The following SAMD5 variants were observed in gnomAD, a reference collection of about 807,000 sequenced individuals.
SAMD5 encodes sterile alpha motif domain-containing protein 5.
Under a neutral mutation model 11.3 loss-of-function variants are expected in SAMD5, and 13 were observed. The observed-to-expected ratio is 1.15, with a 90% CI of 0.75 to 1.83. SAMD5 has a LOEUF of 1.83. Among genes scored for constraint, SAMD5 ranks in the 40% most tolerant of loss-of-function variants. The probability of loss-of-function intolerance (pLI) is 0.00; values close to 1 mark genes in which losing one functional copy is unlikely to be tolerated. For synonymous variants in SAMD5, 129 were observed against 111.3 expected, an observed-to-expected ratio of 1.16 and a Z score of -1.00; for missense variants, 255 against 239.1, an observed-to-expected ratio of 1.07 and a Z score of -0.44.
At chr6:147,525,381 T>C (rs1332713766) in intron 1 of SAMD5, among the ~76,000 whole-genome samples, 1 of 148,750 alleles carries the variant, frequency 6.7e-6, no homozygotes, top group African/African-American at 2.5e-5. Context: ...AAGTGTGTCA[T>C]CAATTTGGCC....
the SAMD5 span, among the ~76,000 whole-genome samples, chr6:147,925,406 T>C: frequency 6.6e-6 from 1 of 152,208 alleles, no homozygotes; most frequent in Non-Finnish European, 1.5e-5. Context: ...TATGGCATTC[T>C]GTTACAGCAG....
the SAMD5 span, among the ~76,000 whole-genome samples, chr6:147,900,398 A>G: frequency 6.6e-6 from 1 of 152,186 alleles, no homozygotes; most frequent in Non-Finnish European, 1.5e-5. Context: ...CAGTTCTCCT[A>G]TTTTGTCTTT....
intron 1 of SAMD5, among the ~76,000 whole-genome samples, chr6:147,683,309 T>C (rs1156309274): frequency 6.6e-6 from 1 of 152,254 alleles, no homozygotes; most frequent in Non-Finnish European, 1.5e-5. Flanking sequence ...AGACCCTGTA[T>C]TTCCTAAGAG....
At chr6:147,939,564 T>C in the SAMD5 span, among the ~76,000 whole-genome samples, 2 of 152,080 alleles carry the variant, frequency 1.3e-5, no homozygotes, top group Non-Finnish European at 2.9e-5. Flanking sequence ...AAAGACAAAA[T>C]ATGTATTTAT....
chr6:147,516,286 T>G (rs1236116131), intron 1 of SAMD5, among the ~76,000 whole-genome samples: 2 of 152,192 alleles, frequency 1.3e-5, no homozygotes, highest in African/African-American at 4.8e-5. Flanking sequence ...ATATGGCTTC[T>G]GGGAGCTATG....
At chr6:147,949,336 G>A in the SAMD5 span, among the ~76,000 whole-genome samples, 1 of 152,150 alleles carries the variant, frequency 6.6e-6, no homozygotes, top group Non-Finnish European at 1.5e-5. Flanking sequence ...TCAGACCGCA[G>A]TAATATAAAT....
intron 1 of SAMD5, among the ~76,000 whole-genome samples, chr6:147,642,674 A>G (rs373097752): frequency 3.9e-5 from 6 of 152,342 alleles, no homozygotes; most frequent in African/African-American, 1.4e-4. Context: ...TTATTGAAAC[A>G]TCAATAGGAA....
intron 1 of SAMD5, among the ~76,000 whole-genome samples, chr6:147,587,010 T>C (rs1443199120): frequency 6.6e-6 from 1 of 152,188 alleles, no homozygotes; most frequent in Non-Finnish European, 1.5e-5. Flanking sequence ...CAGAGTTGAT[T>C]GTACAGTGAA....
chr6:147,943,259 C>T, the SAMD5 span, among the ~76,000 whole-genome samples: 1 of 152,170 alleles, frequency 6.6e-6, no homozygotes, highest in African/African-American at 2.4e-5. Flanking sequence ...TCTTTGAATG[C>T]CAAATGTTGT....
In SAMD5 at chr6:147,607,154, A is replaced by G. The variant is rs567128550; in HGVS notation, c.162+97767A>G. ...AATTGTTTTTATTAACTCTCATAGA[A>G]GTTTGAATTTTTTTAAATAGAAAGT... is the stretch of plus-strand genomic sequence containing the variant. On this transcript the variant is annotated intron_variant, in intron 1 of 1. Coordinates refer to the SAMD5 transcript ENST00000566741. Among the ~76,000 whole-genome samples, 164 of 152,244 alleles carry G rather than the reference A, an allele frequency of 1.1e-3. 1 individual carries two copies. The highest frequency in any genetic ancestry group is 3.9e-3 in the African/African-American group (161 of 41,560).
At chr6:147,607,346 G>A (rs544062662) in intron 1 of SAMD5, among the ~76,000 whole-genome samples, 49 of 152,162 alleles carry the variant, frequency 3.2e-4, no homozygotes, top group Middle Eastern at 3.4e-3. Context: ...AAATTTACAT[G>A]GAACCACAAA....
rs757958967 is a variant in SAMD5, at chr6:147,509,313, A to C, written c.385A>C (p.Lys129Gln). The C allele has an allele frequency of 6.3e-7, 1 of 1,580,676 alleles. No individual in the cohort carries two copies. Among genetic ancestry groups the C allele is most frequent in the Non-Finnish European group, 8.6e-7 (1 of 1,165,448 alleles). The change falls in exon 1 of 2, where the codon AAG becomes CAG. Residue 129 changes from lysine (K) to glutamine (Q), a missense_variant. Transcript: ENST00000367474. ...SRELVSYPKLKLKIMIRDKLV... is the reference protein window; with the variant it reads ...SRELVSYPKLQLKIMIRDKLV... ...GGAGCTGGTGAGCTACCCCAAACTG[A>C]AGCTGAAGATCATGATCAGGGATAA... is the stretch of plus-strand genomic sequence containing the variant.
the SAMD5 span, among the ~76,000 whole-genome samples, chr6:147,744,954 G>C: frequency 7.4e-6 from 1 of 135,164 alleles, no homozygotes; most frequent in Non-Finnish European, 1.5e-5. Flanking sequence ...CAATCACCGG[G>C]TGTGAGGTTT....
At chr6:147,878,658 T>C in the SAMD5 span, among the ~76,000 whole-genome samples, 7 of 149,462 alleles carry the variant, frequency 4.7e-5, no homozygotes, top group Non-Finnish European at 7.4e-5. Flanking sequence ...TTTATACATG[T>C]ATCTATATAT....
chr6:147,750,182 G>C, the SAMD5 span, among the ~76,000 whole-genome samples: 1 of 152,136 alleles, frequency 6.6e-6, no homozygotes. Flanking sequence ...TTGAGAGATA[G>C]GTATTGTCTT....
At chr6:147,809,856 A>C in the SAMD5 span, among the ~76,000 whole-genome samples, 1 of 152,202 alleles carries the variant, frequency 6.6e-6, no homozygotes, top group African/African-American at 2.4e-5. Flanking sequence ...CAGGATAGCT[A>C]AAAACGTCTC....
downstream of SAMD5, among the ~76,000 whole-genome samples, chr6:147,738,292 C>T (rs943381423): frequency 2.0e-5 from 3 of 152,118 alleles, no homozygotes; most frequent in African/African-American, 7.2e-5. Flanking sequence ...CTGACTTGGG[C>T]CGGAGAGTGG....
chr6:147,701,274 TA>T (rs1791249128), intron 1 of SAMD5, among the ~76,000 whole-genome samples: 2 of 152,104 alleles, frequency 1.3e-5, no homozygotes, highest in Non-Finnish European at 2.9e-5. Flanking sequence ...ATGATAAATA[TA>T]AAAAATTATA....
chr6:147,835,372 C>T, the SAMD5 span, among the ~76,000 whole-genome samples: 1 of 152,262 alleles, frequency 6.6e-6, no homozygotes, highest in East Asian at 1.9e-4. Context: ...GACATCTTCC[C>T]TCTCAAAGGG....
Sources: allele counts gnomAD v4.1 joint callset (sites outside exome capture counted in the v4.1 genomes callset), GRCh38; gene constraint gnomAD v4.1.1; transcripts MANE v1.5; gene names NCBI Gene and HGNC (gene_info 2026-07-23, HGNC 2026-07-21).